FOXJ3: variants seen among roughly 807,000 people sequenced by gnomAD.
FOXJ3 encodes forkhead box J3.
Under a neutral mutation model 76.1 loss-of-function variants are expected in FOXJ3, and 22 were observed. The ratio of observed to expected loss-of-function variants is 0.29; its 90% confidence interval spans 0.21 to 0.41. FOXJ3 has a LOEUF of 0.41. Ranked by LOEUF, FOXJ3 falls within the 10% of genes least tolerant of loss-of-function variation. The pLI is 1.00. For synonymous variants in FOXJ3, 269 were observed against 261.2 expected (o/e 1.03, Z -0.29); for missense variants, 613 against 762.1 (o/e 0.80, Z 2.30).
chr1:42,229,261 A>C (rs762131730), intron 4 of FOXJ3, among the ~76,000 whole-genome samples: 1 of 152,154 alleles, frequency 6.6e-6, no homozygotes, highest in Non-Finnish European at 1.5e-5. Flanking sequence ...ATTGTTTGCA[A>C]ATTAACATTC....
At chr1:42,291,022 C>T (rs1424057816) in intron 2 of FOXJ3, among the ~76,000 whole-genome samples, 2 of 127,584 alleles carry the variant, frequency 1.6e-5, no homozygotes, top group African/African-American at 5.7e-5. Context: ...AAGAAAAGAC[C>T]CATATAGATA....
At chr1:42,223,311 T>G (rs1192067312) in intron 5 of FOXJ3, among the ~76,000 whole-genome samples, 1 of 152,222 alleles carries the variant, frequency 6.6e-6, no homozygotes, top group Non-Finnish European at 1.5e-5. Context: ...GTGAAGACTA[T>G]GTACCTTAAC....
intron 1 of FOXJ3, among the ~76,000 whole-genome samples, chr1:42,320,694 T>C (rs1334937935): frequency 6.6e-6 from 1 of 152,194 alleles, no homozygotes; most frequent in African/African-American, 2.4e-5. Flanking sequence ...TTAAATCACC[T>C]TTATTGAATA....
intron 1 of FOXJ3, among the ~76,000 whole-genome samples, chr1:42,333,980 A>C (rs898176363): frequency 2.0e-5 from 3 of 152,244 alleles, no homozygotes; most frequent in African/African-American, 7.2e-5. Flanking sequence ...GGTGCCCACC[A>C]ATCTCTAACT....
At chr1:42,236,012 TCTTC>T (rs1648596638) in intron 4 of FOXJ3, among the ~76,000 whole-genome samples, 1 of 152,138 alleles carries the variant, frequency 6.6e-6, no homozygotes, top group Non-Finnish European at 1.5e-5. Flanking sequence ...TTACCTTTGC[TCTTC>T]CTTGTTAGAC....
At chr1:42,266,092 T>C (rs1651445758) in intron 3 of FOXJ3, among the ~76,000 whole-genome samples, 1 of 152,204 alleles carries the variant, frequency 6.6e-6, no homozygotes. Flanking sequence ...TAGCCATTAC[T>C]TAGAATGGTA....
At chr1:42,199,299 A>G in intron 6 of FOXJ3, 69 bp from the exon 7 acceptor site, 3 of 1,381,366 alleles carry the variant, frequency 2.2e-6, no homozygotes, top group Non-Finnish European at 3.0e-6. Context: ...CAAAAATACA[A>G]TTGAGCAGGC....
intron 2 of FOXJ3, among the ~76,000 whole-genome samples, chr1:42,281,913 G>A (rs1402596925): frequency 1.3e-5 from 2 of 152,112 alleles, no homozygotes; most frequent in Non-Finnish European, 2.9e-5. Context: ...ACAAAAATTA[G>A]CTGGATGTGG....
chr1:42,330,069 A>C (rs562323646), intron 1 of FOXJ3, among the ~76,000 whole-genome samples: 1 of 152,182 alleles, frequency 6.6e-6, no homozygotes, highest in South Asian at 2.1e-4. Context: ...CAACTACAAT[A>C]AACTTATAAA....
chr1:42,237,427 T>TATATATATATACAC (rs1166082659), intron 4 of FOXJ3, among the ~76,000 whole-genome samples: 3 of 129,918 alleles, frequency 2.3e-5, no homozygotes, highest in African/African-American at 8.1e-5. Context: ...TATATATATA[T>TATATATATATACAC]ACATACATAC....
At chr1:42,291,095 C>CAGACAGAT (rs372540300) in intron 2 of FOXJ3, among the ~76,000 whole-genome samples, 5,171 of 143,660 alleles carry the variant, frequency 0.036, 226 homozygotes, top group African/African-American at 0.055. Flanking sequence ...GACAGACAGA[C>CAGACAGAT]AGACAGATAG....
rs149318746 is a variant in FOXJ3 at position 42,220,380 on chromosome 1, C to T, written c.528+7503G>A. ...TTTCTTGGGCTAGGAATTGAAAATC[C>T]AGGAGGCTGCAAAGGGAAAAACAAA... is the stretch of plus-strand genomic sequence containing the variant. On this transcript the variant is annotated intron_variant, in intron 5 of 12. Transcript: ENST00000361346. 5.9e-5 allele frequency among the ~76,000 whole-genome samples: 9 copies of T among 152,150 alleles called. No individual in the cohort carries two copies. The East Asian group carries it at 1.7e-3, about 29-fold the overall frequency.
chr1:42,322,370 T>C (rs1463617773), intron 1 of FOXJ3, among the ~76,000 whole-genome samples: 1 of 152,012 alleles, frequency 6.6e-6, no homozygotes, highest in Non-Finnish European at 1.5e-5. Flanking sequence ...GCATGGGTAA[T>C]ATAAGAAAAT....
At chr1:42,280,043 C>T (rs1652580491) in intron 2 of FOXJ3, among the ~76,000 whole-genome samples, 1 of 152,068 alleles carries the variant, frequency 6.6e-6, no homozygotes, top group African/African-American at 2.4e-5. Flanking sequence ...AGCTGTAGAA[C>T]TGTGAAGATG....
intron 2 of FOXJ3, among the ~76,000 whole-genome samples, chr1:42,280,735 T>C (rs76340336): frequency 0.03 from 4,535 of 152,256 alleles, 103 homozygotes; most frequent in Non-Finnish European, 0.046. Context: ...TAAACATACC[T>C]CATCTGTAAG....
At chr1:42,334,123 G>GAA (rs1344902325) in intron 1 of FOXJ3, 1 of 979,778 alleles carries the variant, frequency 1.0e-6, no homozygotes, top group Non-Finnish European at 1.2e-6. Context: ...ACAGAGAAAT[G>GAA]AAAACTATAC....
chr1:42,186,927 A>G (rs1646448655), intron 11 of FOXJ3, among the ~76,000 whole-genome samples: 1 of 150,714 alleles, frequency 6.6e-6, no homozygotes. Flanking sequence ...GGCTCACTAC[A>G]ACCTCCGCCT....
rs1402877298 is a variant in FOXJ3, at chr1:42,221,999, G to A, written c.528+5884C>T. Among the ~76,000 whole-genome samples the A allele has an allele frequency of 1.5e-3, 5 of 3,350 alleles. 1 individual carries two copies. The highest frequency in any genetic ancestry group is 1.3e-3 in the African/African-American group (1 of 770). 2.2% of individuals were successfully genotyped at this position (3,350 alleles called of 152,430 possible). A position where few individuals can be genotyped will look rare whatever the true frequency, so the allele number is the denominator to read the frequency against. On this transcript the variant is annotated intron_variant, in intron 5 of 12. Transcript: ENST00000361346. Reference sequence around the variant, plus strand: ...GGGGAGGGGGAGGGGGAGGGGGAGGGGGAGGAGGAGGAGAAGGAGAAGGGG... The same window carrying A: ...GGGGAGGGGGAGGGGGAGGGGGAGGAGGAGGAGGAGGAGAAGGAGAAGGGG...
At chr1:42,228,566 C>CAAAAAA (rs10640179) in intron 4 of FOXJ3, among the ~76,000 whole-genome samples, 4 of 130,258 alleles carry the variant, frequency 3.1e-5, no homozygotes, top group East Asian at 2.2e-4. Context: ...TGTGACTCTC[C>CAAAAAA]AAAAAAAAAA....
Sources: allele counts gnomAD v4.1 joint callset (sites outside exome capture counted in the v4.1 genomes callset), GRCh38; gene constraint gnomAD v4.1.1; transcripts MANE v1.5; gene names NCBI Gene and HGNC (gene_info 2026-07-23, HGNC 2026-07-21).